The following ARHGAP12 variants were observed in gnomAD, a reference collection of about 807,000 sequenced individuals.
ARHGAP12 encodes the protein Rho GTPase activating protein 12, also known as rho GTPase-activating protein 12.
ARHGAP12 carries 64 observed loss-of-function variants against 108.6 expected under a neutral mutation model. That is an observed-to-expected ratio of 0.59 (90% CI 0.48 to 0.73). The LOEUF (loss-of-function observed/expected upper bound fraction) is 0.73, where lower values mean the gene tolerates loss of function less well. ARHGAP12 is among the 30% of genes least tolerant of loss of function. The pLI, the probability that ARHGAP12 is intolerant of heterozygous loss-of-function variation, is 0.00. For missense variants in ARHGAP12, 940 were observed against 1,005.9 expected, an observed-to-expected ratio of 0.93 and a Z score of 0.89; for synonymous variants, 312 against 337.2, an observed-to-expected ratio of 0.93 and a Z score of 0.82.
intron 3 of ARHGAP12, among the ~76,000 whole-genome samples, chr10:31,865,822 G>GA (rs1837302964): frequency 6.6e-6 from 1 of 150,790 alleles, no homozygotes; most frequent in Admixed American, 6.6e-5. Flanking sequence ...AGCTTGCAGT[G>GA]AGCCAAGACC....
intron 6 of ARHGAP12, among the ~76,000 whole-genome samples, chr10:31,847,242 T>C (rs1458907314): frequency 1.3e-5 from 2 of 152,182 alleles, no homozygotes; most frequent in Non-Finnish European, 2.9e-5. Flanking sequence ...CTTTTCTCAT[T>C]CAAGTTCAGA....
intron 11 of ARHGAP12, among the ~76,000 whole-genome samples, chr10:31,822,270 T>G (rs61843844): frequency 0.027 from 4,089 of 152,262 alleles, 86 homozygotes; most frequent in Non-Finnish European, 0.039. Context: ...GATCAGACTT[T>G]ACATATGCAA....
chr10:31,879,012 A>G (rs546316345), intron 3 of ARHGAP12, among the ~76,000 whole-genome samples: 26 of 152,340 alleles, frequency 1.7e-4, no homozygotes, highest in Admixed American at 3.9e-4. Context: ...ATCTTCAACT[A>G]TTTCAGCTAT....
chr10:31,823,839 G>GT (rs944771435), intron 11 of ARHGAP12, among the ~76,000 whole-genome samples: 1 of 152,056 alleles, frequency 6.6e-6, no homozygotes, highest in African/African-American at 2.4e-5. Context: ...GTGACTGTTG[G>GT]TTTTTTGGCT....
chr10:31,815,458 A>G (rs951057741), intron 13 of ARHGAP12, among the ~76,000 whole-genome samples: 1 of 152,180 alleles, frequency 6.6e-6, no homozygotes, highest in Non-Finnish European at 1.5e-5. Context: ...CACAGATACC[A>G]TACTTTATTA....
chr10:31,885,245 T>G (rs1006486595), intron 3 of ARHGAP12, among the ~76,000 whole-genome samples: 1 of 152,194 alleles, frequency 6.6e-6, no homozygotes, highest in Non-Finnish European at 1.5e-5. Context: ...TTTTAAAAGG[T>G]ATAACTACTT....
chr10:31,881,148 T>TAA (rs917225805), intron 3 of ARHGAP12, among the ~76,000 whole-genome samples: 1 of 142,486 alleles, frequency 7.0e-6, no homozygotes, highest in African/African-American at 2.6e-5. Context: ...ATGAGTTCCT[T>TAA]AAAAAAAAAA....
chr10:31,846,799 T>C (rs983318729), intron 6 of ARHGAP12, among the ~76,000 whole-genome samples: 3 of 151,786 alleles, frequency 2.0e-5, no homozygotes, highest in African/African-American at 7.3e-5. Context: ...TTCTTCAAAG[T>C]ATCTTTCTGC....
At chr10:31,895,348 T>C (rs9417896) in intron 3 of ARHGAP12, among the ~76,000 whole-genome samples, 80,606 of 151,978 alleles carry the variant, frequency 0.53, 21,920 homozygotes, top group African/African-American at 0.63. Context: ...GCAATCTACT[T>C]ATCTGACAAA....
chr10:31,875,449 G>A (rs551211818), intron 3 of ARHGAP12, among the ~76,000 whole-genome samples: 1 of 152,134 alleles, frequency 6.6e-6, no homozygotes, highest in Non-Finnish European at 1.5e-5. Context: ...GTCACAATGA[G>A]AATACAGTTC....
At chr10:31,915,437 G>T (rs1283488953) in intron 1 of ARHGAP12, among the ~76,000 whole-genome samples, 1 of 151,230 alleles carries the variant, frequency 6.6e-6, no homozygotes, top group Non-Finnish European at 1.5e-5. Context: ...GAGAGGCTAA[G>T]GGCCTAGGGG....
chr10:31,902,439 G>A lies in ARHGAP12; in HGVS notation c.684+5733C>T, dbSNP rs73253377. Among the ~76,000 whole-genome samples, 871 of 152,156 alleles carry A rather than the reference G, an allele frequency of 5.7e-3. 8 individuals are homozygous for A. Among genetic ancestry groups the A allele is most frequent in the African/African-American group, 0.019 (781 of 41,520 alleles). On this transcript the variant is annotated intron_variant, in intron 3 of 19. Transcript: ENST00000344936. ...GCCTATAATCCCAATACACTGGGAG[G>A]CTGAGGCAAGAGTATCACTTGAGGC...
chr10:31,839,502 T>C, intron 8 of ARHGAP12, 135 bp downstream of exon 8: 1 of 1,127,252 alleles, frequency 8.9e-7, no homozygotes, highest in Non-Finnish European at 1.2e-6. Flanking sequence ...AAACTTATTT[T>C]GATTGTGATT....
intron 13 of ARHGAP12, among the ~76,000 whole-genome samples, chr10:31,815,565 C>A (rs1414308085): frequency 4.6e-5 from 7 of 151,956 alleles, no homozygotes; most frequent in Admixed American, 4.6e-4. Flanking sequence ...TTTTGCATTT[C>A]TATATAAATT....
At chr10:31,831,709 T>C (rs777092912) in intron 10 of ARHGAP12, 30 bp downstream of exon 10, 85 of 1,444,588 alleles carry the variant, frequency 5.9e-5, no homozygotes, top group Non-Finnish European at 7.6e-5. Flanking sequence ...AGATGAATCA[T>C]GTAAGAACAT....
intron 1 of ARHGAP12, among the ~76,000 whole-genome samples, chr10:31,919,520 C>A (rs181550250): frequency 1.3e-5 from 2 of 152,190 alleles, no homozygotes; most frequent in African/African-American, 4.8e-5. Flanking sequence ...GGGCCAGGCG[C>A]GGTGGCTCAC....
At chr10:31,817,729 TA>T (rs201062581) in intron 13 of ARHGAP12, 58 bp downstream of exon 13, 98,282 of 811,428 alleles carry the variant, frequency 0.12, no homozygotes, top group South Asian at 0.16. Context: ...AATAAGCAAT[TA>T]AAAAAAAAAA....
At chr10:31,845,444 T>A (rs1484245150) in intron 6 of ARHGAP12, among the ~76,000 whole-genome samples, 1 of 152,200 alleles carries the variant, frequency 6.6e-6, no homozygotes, top group Non-Finnish European at 1.5e-5. Context: ...TGAGATTTAC[T>A]GCAGATTATT....
intron 3 of ARHGAP12, among the ~76,000 whole-genome samples, chr10:31,898,018 G>A (rs1001799560): frequency 1.3e-5 from 2 of 152,036 alleles, no homozygotes; most frequent in African/African-American, 2.4e-5. Context: ...CAGCTACTTG[G>A]GAGGCTGAGG....
Sources: gnomAD v4.1 joint callset for allele counts (sites outside exome capture counted in the v4.1 genomes callset) on GRCh38, gnomAD v4.1.1 for gene constraint, MANE v1.5 for transcripts, NCBI Gene and HGNC (gene_info 2026-07-23, HGNC 2026-07-21) for gene names.